Variants in KANK1 observed in about 807,000 individuals in gnomAD.
KANK1 encodes KN motif and ankyrin repeat domains 1, also known as KN motif and ankyrin repeat domain-containing protein 1.
Under a neutral mutation model 106.2 loss-of-function variants are expected in KANK1, and 109 were observed. The ratio of observed to expected loss-of-function variants is 1.03; its 90% CI spans 0.88 to 1.20. The LOEUF is 1.20. Among genes scored for constraint, KANK1 ranks in the 50% most tolerant of loss-of-function variants. The probability of loss-of-function intolerance (pLI) is 0.00; values close to 1 mark genes in which losing one functional copy is unlikely to be tolerated. For synonymous variants in KANK1, 873 were observed against 652.2 expected, an observed-to-expected ratio of 1.34 and a Z score of -5.16; for missense variants, 2,399 against 1,710.7, an observed-to-expected ratio of 1.40 and a Z score of -7.10.
chr9:630,853 G>C (rs1335313963), intron 1 of KANK1, among the ~76,000 whole-genome samples: 1 of 152,030 alleles, frequency 6.6e-6, no homozygotes, highest in Non-Finnish European at 1.5e-5. Flanking sequence ...TCCTTGGGAG[G>C]CTGAGGCACG....
intron 3 of KANK1, among the ~76,000 whole-genome samples, chr9:726,788 C>T (rs10976091): frequency 0.023 from 3,422 of 148,012 alleles, 178 homozygotes; most frequent in East Asian, 0.2. Context: ...GGTAAAACCC[C>T]GTCTCTACTA....
intron 1 of KANK1, among the ~76,000 whole-genome samples, chr9:537,109 A>C (rs2060341160): frequency 6.6e-6 from 1 of 152,176 alleles, no homozygotes; most frequent in Non-Finnish European, 1.5e-5. Context: ...AAACTAAAAC[A>C]ACAGGAACCC....
At chr9:640,845 C>T (rs962715955) in intron 1 of KANK1, among the ~76,000 whole-genome samples, 3 of 151,584 alleles carry the variant, frequency 2.0e-5, no homozygotes, top group East Asian at 1.9e-4. Flanking sequence ...TACATGTGCC[C>T]GCCACCAGGC....
At chr9:530,406 A>G (rs2133495567) in intron 1 of KANK1, among the ~76,000 whole-genome samples, 1 of 152,262 alleles carries the variant, frequency 6.6e-6, no homozygotes, top group South Asian at 2.1e-4. Context: ...TTTAGTACAT[A>G]TGGATCCAAG....
chr9:684,079 G>C (rs1818079660), intron 2 of KANK1: 1 of 751,366 alleles, frequency 1.3e-6, no homozygotes, highest in Non-Finnish European at 1.6e-6. Context: ...CCCCCGGAGA[G>C]GTTTTGAAAA....
intron 1 of KANK1, among the ~76,000 whole-genome samples, chr9:534,473 A>C (rs1396843270): frequency 6.6e-6 from 1 of 152,204 alleles, no homozygotes; most frequent in Non-Finnish European, 1.5e-5. Context: ...AAAAGGGGAA[A>C]ATGCCGCTCT....
chr9:597,139 G>C (rs577520039), intron 1 of KANK1, among the ~76,000 whole-genome samples: 5 of 151,758 alleles, frequency 3.3e-5, no homozygotes, highest in Non-Finnish European at 7.4e-5. Context: ...ATAGATTTTT[G>C]ATTTTTTCCC....
At chr9:633,039 C>T (rs185016323) in intron 1 of KANK1, among the ~76,000 whole-genome samples, 54 of 152,170 alleles carry the variant, frequency 3.5e-4, no homozygotes, top group African/African-American at 1.3e-3. Flanking sequence ...GGTAACATGG[C>T]CCCCTCCCTC....
chr9:661,300 G>A (rs1296566603), intron 1 of KANK1, among the ~76,000 whole-genome samples: 4 of 147,592 alleles, frequency 2.7e-5, no homozygotes, highest in Non-Finnish European at 6.0e-5. Flanking sequence ...ACAGGCCCCA[G>A]TGTGTGATGT....
intron 3 of KANK1, among the ~76,000 whole-genome samples, chr9:718,608 C>G (rs537540329): frequency 6.6e-6 from 1 of 152,144 alleles, no homozygotes; most frequent in East Asian, 1.9e-4. Context: ...CCATGCCAGG[C>G]CACTGTATCA....
chr9:517,869 G>A (rs536028188), intron 1 of KANK1, among the ~76,000 whole-genome samples: 1 of 150,950 alleles, frequency 6.6e-6, no homozygotes, highest in Non-Finnish European at 1.5e-5. Flanking sequence ...CTCCCAAGTA[G>A]CTGGAATTAC....
chr9:534,050 C>A (rs898302635), intron 1 of KANK1, among the ~76,000 whole-genome samples: 6 of 152,134 alleles, frequency 3.9e-5, no homozygotes, highest in African/African-American at 1.4e-4. Flanking sequence ...CAGAAGCTTG[C>A]AGATTGGGAG....
intron 1 of KANK1, among the ~76,000 whole-genome samples, chr9:614,228 G>GTT (rs1234695905): frequency 1.3e-5 from 2 of 152,184 alleles, no homozygotes; most frequent in Admixed American, 6.5e-5. Context: ...ACAAAAGTGT[G>GTT]TTTAGCAGAT....
At chr9:693,275 C>A in intron 2 of KANK1, 2 of 583,784 alleles carry the variant, frequency 3.4e-6, no homozygotes, top group Non-Finnish European at 2.2e-6. Flanking sequence ...CAGCATAAAA[C>A]TCAATCATTT....
chr9:603,219 A>G (rs1353105299), intron 1 of KANK1, among the ~76,000 whole-genome samples: 1 of 151,856 alleles, frequency 6.6e-6, no homozygotes, highest in Non-Finnish European at 1.5e-5. Context: ...CCTGGGGCAC[A>G]TTAATTTGGA....
At chr9:686,450 A>G (rs1818586415) in intron 2 of KANK1, among the ~76,000 whole-genome samples, 1 of 152,122 alleles carries the variant, frequency 6.6e-6, no homozygotes, top group Non-Finnish European at 1.5e-5. Flanking sequence ...CCACCTCTTC[A>G]AGTGGTGAAT....
intron 7 of KANK1, 21 bp from the exon 8 acceptor site, chr9:738,264 G>A (rs768882574): frequency 3.3e-5 from 53 of 1,596,880 alleles, no homozygotes; most frequent in Middle Eastern, 1.7e-4. Flanking sequence ...AAGAACTAAC[G>A]ACCACTTGGT....
At chr9:579,867 G>C (rs376023101) in intron 1 of KANK1, among the ~76,000 whole-genome samples, 2 of 152,228 alleles carry the variant, frequency 1.3e-5, no homozygotes, top group East Asian at 3.9e-4. Flanking sequence ...AAAACCTCAG[G>C]CCAGACAGTG....
intron 3 of KANK1, among the ~76,000 whole-genome samples, chr9:727,692 G>GTT (rs1225539632): frequency 2.0e-5 from 3 of 151,316 alleles, no homozygotes; most frequent in Non-Finnish European, 4.4e-5. Flanking sequence ...GTGTGTGTGT[G>GTT]TGTGTGTGTG....
Sources: gnomAD v4.1 joint callset for allele counts (sites outside exome capture counted in the v4.1 genomes callset) on GRCh38, gnomAD v4.1.1 for gene constraint, MANE v1.5 for transcripts, NCBI Gene and HGNC (gene_info 2026-07-23, HGNC 2026-07-21) for gene names.